CNTNAP2: variants seen among roughly 807,000 people sequenced by gnomAD.
CNTNAP2 encodes contactin associated protein 2.
In CNTNAP2, 98 loss-of-function variants were observed where a neutral mutation model predicts 155.2. That is an observed-to-expected ratio of 0.63 (90% CI 0.54 to 0.75). The LOEUF (loss-of-function observed/expected upper bound fraction) is 0.75. CNTNAP2 is among the 30% of genes least tolerant of loss of function. The pLI, the probability that CNTNAP2 is intolerant of heterozygous loss-of-function variation, is 0.00. For synonymous variants in CNTNAP2, 651 were observed against 631.2 expected, an observed-to-expected ratio of 1.03 and a Z score of -0.47; for missense variants, 1,727 against 1,688.1, an observed-to-expected ratio of 1.02 and a Z score of -0.40.
chr7:148,148,383 A>T (rs1302353295), intron 17 of CNTNAP2, among the ~76,000 whole-genome samples: 2 of 152,212 alleles, frequency 1.3e-5, no homozygotes, highest in East Asian at 3.9e-4. Context: ...CCTGCTTCCC[A>T]TGGCTAGTTG....
intron 20 of CNTNAP2, among the ~76,000 whole-genome samples, chr7:148,240,420 A>C (rs919935661): frequency 6.6e-6 from 1 of 152,174 alleles, no homozygotes. Context: ...ATCCAGCAAA[A>C]GAGAATATTA....
intron 1 of CNTNAP2, among the ~76,000 whole-genome samples, chr7:146,319,574 T>C (rs1184206441): frequency 6.6e-6 from 1 of 152,190 alleles, no homozygotes; most frequent in Non-Finnish European, 1.5e-5. Context: ...GCTCATAAAT[T>C]TGAACTCACA....
At chr7:146,858,650 C>T (rs66584275) in intron 3 of CNTNAP2, among the ~76,000 whole-genome samples, 18,132 of 152,158 alleles carry the variant, frequency 0.12, 1,220 homozygotes, top group African/African-American at 0.15. Context: ...GCCATGATCA[C>T]ACCATTGCAC....
At chr7:146,963,709 G>T (rs537364551) in intron 3 of CNTNAP2, among the ~76,000 whole-genome samples, 1 of 151,958 alleles carries the variant, frequency 6.6e-6, no homozygotes, top group Non-Finnish European at 1.5e-5. Context: ...TTGAAAAATC[G>T]ATTTGGTGTT....
chr7:148,222,495 T>TATGAATGGATCATTCCATGAGTCG lies in CNTNAP2; in HGVS notation c.3247+4991_3247+4992insGTCGATGAATGGATCATTCCATGA, dbSNP rs1563000677. ...CCATTAACCCATTAATCCATGAATC[T>TATGAATGGATCATTCCATGAGTCG]ATGAATGGATCATTCCATGAATCGA... On this transcript the variant is annotated intron_variant, in intron 19 of 23. Transcript: ENST00000361727. Among the ~76,000 whole-genome samples, 4 of 78,320 alleles carry TATGAATGGATCATTCCATGAGTCG rather than the reference T, an allele frequency of 5.1e-5. No homozygotes were observed. The East Asian group carries it at 1.3e-3, about 25-fold the overall frequency. 51.4% of individuals were successfully genotyped at this position (78,320 alleles called of 152,430 possible). A position where few individuals can be genotyped will look rare whatever the true frequency, so the allele number is the denominator to read the frequency against.
intron 13 of CNTNAP2, among the ~76,000 whole-genome samples, chr7:147,781,934 A>G (rs1797667686): frequency 6.6e-6 from 1 of 152,020 alleles, no homozygotes; most frequent in Non-Finnish European, 1.5e-5. Context: ...GAGGCAGGAG[A>G]ATGGCGTGAA....
intron 13 of CNTNAP2, among the ~76,000 whole-genome samples, chr7:147,745,876 T>G (rs1208221428): frequency 6.6e-6 from 1 of 152,222 alleles, no homozygotes; most frequent in East Asian, 1.9e-4. Context: ...ACATAATCAC[T>G]TTTATAGTTT....
chr7:147,343,319 G>A (rs1221390774), intron 9 of CNTNAP2, among the ~76,000 whole-genome samples: 2 of 152,068 alleles, frequency 1.3e-5, no homozygotes, highest in South Asian at 2.1e-4. Flanking sequence ...CATATAATGA[G>A]TAGCTTACTT....
At chr7:146,226,281 T>C (rs1177125151) in intron 1 of CNTNAP2, among the ~76,000 whole-genome samples, 1 of 152,158 alleles carries the variant, frequency 6.6e-6, no homozygotes, top group African/African-American at 2.4e-5. Context: ...AGCTTGAGTA[T>C]TGGTGTATTG....
At chr7:147,087,878 G>A (rs1161043481) in intron 4 of CNTNAP2, among the ~76,000 whole-genome samples, 1 of 152,166 alleles carries the variant, frequency 6.6e-6, no homozygotes, top group Non-Finnish European at 1.5e-5. Flanking sequence ...TTGGGAGGCT[G>A]AGGCAGGAGA....
At chr7:147,920,247 T>C (rs1438502564) in intron 14 of CNTNAP2, among the ~76,000 whole-genome samples, 2 of 148,206 alleles carry the variant, frequency 1.3e-5, no homozygotes, top group African/African-American at 5.0e-5. Flanking sequence ...TCCCAGCCAC[T>C]CAGGAGACTG....
At chr7:146,538,905 C>A (rs1255742784) in intron 1 of CNTNAP2, among the ~76,000 whole-genome samples, 1 of 151,994 alleles carries the variant, frequency 6.6e-6, no homozygotes, top group African/African-American at 2.4e-5. Context: ...ATCAGTTGTA[C>A]AAGTGACATG....
At chr7:146,467,739 A>G (rs552774807) in intron 1 of CNTNAP2, among the ~76,000 whole-genome samples, 9 of 152,294 alleles carry the variant, frequency 5.9e-5, no homozygotes, top group African/African-American at 1.9e-4. Flanking sequence ...CAAGGAAAAC[A>G]ATGAATTCAG....
chr7:147,669,738 C>A (rs1248641600), intron 13 of CNTNAP2, among the ~76,000 whole-genome samples: 1 of 152,216 alleles, frequency 6.6e-6, no homozygotes, highest in Non-Finnish European at 1.5e-5. Flanking sequence ...ATTGGCACCA[C>A]CATTGTCCGC....
intron 21 of CNTNAP2, among the ~76,000 whole-genome samples, chr7:148,320,278 G>A (rs183864384): frequency 6.6e-5 from 10 of 151,648 alleles, no homozygotes; most frequent in African/African-American, 2.4e-4. Flanking sequence ...TTTTTTGTTT[G>A]CCTGTTTTTT....
intron 4 of CNTNAP2, among the ~76,000 whole-genome samples, chr7:147,093,166 G>A (rs1181336983): frequency 2.7e-5 from 4 of 150,170 alleles, no homozygotes; most frequent in Non-Finnish European, 4.4e-5. Context: ...GCGTGAACTC[G>A]GGAGGCGGAG....
chr7:147,174,118 G>A (rs1227853503), intron 8 of CNTNAP2, among the ~76,000 whole-genome samples: 2 of 152,004 alleles, frequency 1.3e-5, no homozygotes, highest in Non-Finnish European at 2.9e-5. Flanking sequence ...CATCCTGATA[G>A]CCTCCTTTTT....
intron 21 of CNTNAP2, among the ~76,000 whole-genome samples, chr7:148,286,261 G>A (rs999547827): frequency 6.6e-6 from 1 of 152,054 alleles, no homozygotes; most frequent in Non-Finnish European, 1.5e-5. Context: ...TTCAGAAAGG[G>A]GACCATGTCA....
intron 12 of CNTNAP2, among the ~76,000 whole-genome samples, chr7:147,583,532 A>ATATATATATATATATATATATATAT (rs1584831188): frequency 7.2e-6 from 1 of 138,812 alleles, no homozygotes; most frequent in African/African-American, 2.8e-5. Flanking sequence ...ATATATATAT[A>ATATATATATATATATATATATATAT]ATGTCAAACA....
Sources: allele counts gnomAD v4.1 joint callset (sites outside exome capture counted in the v4.1 genomes callset), GRCh38; gene constraint gnomAD v4.1.1; transcripts MANE v1.5; gene names NCBI Gene and HGNC (gene_info 2026-07-23, HGNC 2026-07-21).